Variants in CSMD1 observed in about 807,000 individuals in gnomAD.
CSMD1 encodes CUB and Sushi multiple domains 1.
A neutral mutation model predicts 417.5 loss-of-function variants in CSMD1; 213 were observed. The observed-to-expected ratio is 0.51, with a 90% confidence interval of 0.46 to 0.57. The LOEUF is 0.57. CSMD1 is among the 20% of genes least tolerant of loss of function. The pLI is 0.00. For synonymous variants in CSMD1, 2,862 were observed against 1,736.8 expected (o/e 1.65, Z -16.11); for missense variants, 6,923 against 4,529.7 (o/e 1.53, Z -15.17).
rs76330933 is a variant in CSMD1, at chr8:4,436,457, C to G, written c.303-16392G>C. ...GTGGGGTACATGGCATGTTTTGATT[C>G]AGAAATGCAATGCATAATAATCACC... On this transcript the variant is annotated intron_variant, in intron 2 of 69. Transcript: ENST00000635120. Among the ~76,000 whole-genome samples, 1,202 of 151,768 alleles carry G rather than the reference C, an allele frequency of 7.9e-3. 21 individuals carry two copies. Among genetic ancestry groups the G allele is most frequent in the African/African-American group, 0.028 (1,136 of 41,146 alleles).
intron 2 of CSMD1, among the ~76,000 whole-genome samples, chr8:4,465,825 T>C (rs1037625055): frequency 1.3e-5 from 2 of 152,196 alleles, no homozygotes; most frequent in Admixed American, 1.3e-4. Context: ...CCCACATTCC[T>C]GAAGTATCTC....
intron 44 of CSMD1, 64 bp downstream of exon 44, chr8:3,108,539 C>T (rs1563052363): frequency 2.0e-6 from 3 of 1,535,338 alleles, no homozygotes; most frequent in Non-Finnish European, 2.7e-6. Context: ...AGGCGTGGGA[C>T]AACACTGCAG....
At chr8:3,163,641 C>T (rs954562930) in intron 37 of CSMD1, among the ~76,000 whole-genome samples, 1 of 151,678 alleles carries the variant, frequency 6.6e-6, no homozygotes, top group Admixed American at 6.6e-5. Flanking sequence ...AGCACAAGTG[C>T]AAAGATAAAA....
intron 3 of CSMD1, among the ~76,000 whole-genome samples, chr8:4,261,675 G>C (rs754831380): frequency 1.3e-5 from 2 of 152,132 alleles, no homozygotes; most frequent in Non-Finnish European, 2.9e-5. Flanking sequence ...CTCCCAAAAT[G>C]CTGGGACTAC....
chr8:3,458,317 A>G (rs561445040), intron 12 of CSMD1, among the ~76,000 whole-genome samples: 1 of 152,332 alleles, frequency 6.6e-6, no homozygotes, highest in Admixed American at 6.5e-5. Context: ...ATATTTAAAT[A>G]TTTAATAATG....
At chr8:4,427,193 G>A (rs967956534) in intron 2 of CSMD1, among the ~76,000 whole-genome samples, 4 of 152,140 alleles carry the variant, frequency 2.6e-5, no homozygotes, top group African/African-American at 9.7e-5. Flanking sequence ...GGTGTGCAGG[G>A]ACCATCTAAC....
intron 12 of CSMD1, among the ~76,000 whole-genome samples, chr8:3,457,996 C>T (rs905413871): frequency 1.3e-5 from 2 of 152,206 alleles, no homozygotes; most frequent in South Asian, 4.1e-4. Context: ...ATTTCACAAG[C>T]TCTTTCATAA....
intron 1 of CSMD1, among the ~76,000 whole-genome samples, chr8:4,864,899 C>CACAA (rs1554505487): frequency 5.5e-4 from 82 of 149,084 alleles, no homozygotes; most frequent in African/African-American, 1.2e-3. Context: ...CACACACAAA[C>CACAA]ACACACACAC....
chr8:4,704,417 G>C (rs1807786825), intron 1 of CSMD1, among the ~76,000 whole-genome samples: 1 of 152,200 alleles, frequency 6.6e-6, no homozygotes, highest in African/African-American at 2.4e-5. Context: ...TTGTTTATGT[G>C]GTGTCTGGCA....
chr8:4,821,082 G>C (rs948500220), intron 1 of CSMD1, among the ~76,000 whole-genome samples: 1 of 152,100 alleles, frequency 6.6e-6, no homozygotes, highest in African/African-American at 2.4e-5. Context: ...TCTTCCTTAA[G>C]TGTAAAAAGA....
chr8:4,384,017 C>G (rs909890685), intron 3 of CSMD1, among the ~76,000 whole-genome samples: 1 of 150,948 alleles, frequency 6.6e-6, no homozygotes, highest in Admixed American at 6.6e-5. Flanking sequence ...CAGGGACCAC[C>G]CCCCGCCTCA....
At chr8:3,931,867 G>C (rs145962259) in intron 5 of CSMD1, among the ~76,000 whole-genome samples, 37 of 146,880 alleles carry the variant, frequency 2.5e-4, no homozygotes, top group South Asian at 1.1e-3. Context: ...AAAGGGAGAA[G>C]TGATTTTGGT....
chr8:4,325,075 G>T (rs1563456170), intron 3 of CSMD1, among the ~76,000 whole-genome samples: 1 of 152,182 alleles, frequency 6.6e-6, no homozygotes, highest in Non-Finnish European at 1.5e-5. Flanking sequence ...AGTGGAGCCA[G>T]GAGGGAAAAA....
At chr8:3,094,253 C>T (rs1391754838) in intron 47 of CSMD1, among the ~76,000 whole-genome samples, 1 of 152,020 alleles carries the variant, frequency 6.6e-6, no homozygotes, top group Non-Finnish European at 1.5e-5. Flanking sequence ...TTACAGGCGC[C>T]TGCCACCGCG....
chr8:3,906,621 C>T (rs1020516811), intron 5 of CSMD1, among the ~76,000 whole-genome samples: 2 of 146,578 alleles, frequency 1.4e-5, no homozygotes, highest in African/African-American at 5.2e-5. Flanking sequence ...TCTAACAAAC[C>T]TAAGCTTTTT....
intron 1 of CSMD1, among the ~76,000 whole-genome samples, chr8:4,946,017 C>T (rs528988608): frequency 6.6e-6 from 1 of 152,162 alleles, no homozygotes; most frequent in Non-Finnish European, 1.5e-5. Context: ...CCAGTGGGCT[C>T]TTGTGAACAT....
In CSMD1 at chr8:2,938,323, C is replaced by T. The variant is rs543302900; in HGVS notation, c.*262G>A. 98 of 412,408 alleles carry T rather than the reference C, an allele frequency of 2.4e-4. No homozygotes were observed. The highest frequency in any genetic ancestry group is 3.6e-4 in the Non-Finnish European group (83 of 232,904). The allele number at this position is 412,408 out of a possible 1,614,324, so 25.5% of individuals were successfully genotyped here. A position where few individuals can be genotyped will look rare whatever the true frequency, so the allele number is the denominator to read the frequency against. The stretch of plus-strand genomic sequence containing the variant: ...CGTGTTGGCGCGACGTGGCAGTCTT[C>T]CTGGAGTGTGCCTTGATTTCATACA... On this transcript the variant is annotated 3_prime_UTR_variant, in exon 70 of 70. Coordinates refer to ENST00000635120, the MANE Select transcript of CSMD1 (RefSeq NM_033225.6).
chr8:4,131,310 T>C (rs1175734080), intron 3 of CSMD1, among the ~76,000 whole-genome samples: 1 of 152,180 alleles, frequency 6.6e-6, no homozygotes, highest in East Asian at 1.9e-4. Flanking sequence ...CTTCCTGTAA[T>C]GTGAGGTCTG....
intron 4 of CSMD1, among the ~76,000 whole-genome samples, chr8:4,017,729 G>A (rs970687651): frequency 6.6e-6 from 1 of 152,192 alleles, no homozygotes; most frequent in African/African-American, 2.4e-5. Flanking sequence ...CCTCGGCATT[G>A]TGTGTGCATG....
Sources: gnomAD v4.1 joint callset for allele counts (sites outside exome capture counted in the v4.1 genomes callset) on GRCh38, gnomAD v4.1.1 for gene constraint, MANE v1.5 for transcripts, NCBI Gene and HGNC (gene_info 2026-07-23, HGNC 2026-07-21) for gene names.